TEAD1: variants seen among roughly 807,000 people sequenced by gnomAD.
The protein encoded by TEAD1 is TEA domain transcription factor 1.
Under a neutral mutation model 54.9 loss-of-function variants are expected in TEAD1, and 9 were observed. The observed-to-expected ratio is 0.16, with a 90% CI of 0.10 to 0.29. TEAD1 has a LOEUF of 0.29. Ranked by LOEUF, TEAD1 falls within the 10% of genes least tolerant of loss-of-function variation. TEAD1 has a pLI of 1.00. For missense variants in TEAD1, 387 were observed against 535.9 expected (o/e 0.72, Z 2.74); for synonymous variants, 200 against 187.8 (o/e 1.07, Z -0.53).
At chr11:12,691,604 C>T (rs1336148099) in intron 2 of TEAD1, among the ~76,000 whole-genome samples, 1 of 152,094 alleles carries the variant, frequency 6.6e-6, no homozygotes, top group Non-Finnish European at 1.5e-5. Context: ...TTGTCCTTTC[C>T]TCCCTTAAGA....
intron 2 of TEAD1, among the ~76,000 whole-genome samples, chr11:12,761,946 G>C (rs1486816949): frequency 2.7e-5 from 4 of 149,468 alleles, no homozygotes; most frequent in Admixed American, 2.0e-4. Flanking sequence ...AGCACTGAAT[G>C]GGGGTGGTTG....
Position 12,853,328 on chromosome 11 carries a change from G to C in TEAD1, c.203-8922G>C, listed in dbSNP as rs2134054332. Among the ~76,000 whole-genome samples, 2 of 152,216 alleles carry C rather than the reference G, an allele frequency of 1.3e-5. 1 individual carries two copies. The highest frequency in any genetic ancestry group is 4.2e-4 in the South Asian group (2 of 4,810). ...GTGGTGTGTCATGAAAAATAGTTAG[G>C]GGCCAGATGGTGGGGACAACACTGA... On this transcript the variant is annotated intron_variant, in intron 3 of 12. Coordinates refer to ENST00000527636, the MANE Select transcript of TEAD1 (RefSeq NM_021961.6).
intron 2 of TEAD1, among the ~76,000 whole-genome samples, chr11:12,676,279 G>C (rs1289616511): frequency 6.6e-6 from 1 of 152,234 alleles, no homozygotes; most frequent in Admixed American, 6.5e-5. Flanking sequence ...CAGGTGGTCT[G>C]ATGGCTTGGG....
chr11:12,839,970 T>G (rs12421067), intron 3 of TEAD1, among the ~76,000 whole-genome samples: 15,042 of 151,864 alleles, frequency 0.099, 974 homozygotes, highest in Non-Finnish European at 0.14. Flanking sequence ...GAAACGGGCC[T>G]GGCGCGGTGG....
At chr11:12,749,913 G>T (rs1465987792) in intron 2 of TEAD1, among the ~76,000 whole-genome samples, 1 of 152,196 alleles carries the variant, frequency 6.6e-6, no homozygotes, top group Non-Finnish European at 1.5e-5. Flanking sequence ...TTTACATTTT[G>T]AGGATTGGGA....
At chr11:12,863,315 T>C (rs1589936811) in intron 4 of TEAD1, among the ~76,000 whole-genome samples, 2 of 152,176 alleles carry the variant, frequency 1.3e-5, no homozygotes, top group African/African-American at 4.8e-5. Context: ...AGAGGTGGCC[T>C]CCTGCCAGCA....
At chr11:12,712,286 C>A (rs1420310110) in intron 2 of TEAD1, among the ~76,000 whole-genome samples, 4 of 152,150 alleles carry the variant, frequency 2.6e-5, no homozygotes, top group African/African-American at 4.8e-5. Context: ...TGCCAAGGGA[C>A]TCTCAGTTTT....
intron 2 of TEAD1, among the ~76,000 whole-genome samples, chr11:12,749,681 G>A (rs1181802294): frequency 6.6e-6 from 1 of 152,202 alleles, no homozygotes; most frequent in Non-Finnish European, 1.5e-5. Context: ...TCTTGGACTG[G>A]GCGTCTTGCC....
chr11:12,690,570 T>G (rs927831780), intron 2 of TEAD1, among the ~76,000 whole-genome samples: 1 of 152,246 alleles, frequency 6.6e-6, no homozygotes, highest in African/African-American at 2.4e-5. Flanking sequence ...AATTTAGATG[T>G]TGACATTTGA....
At chr11:12,856,069 G>A (rs76587596) in intron 3 of TEAD1, among the ~76,000 whole-genome samples, 2,964 of 151,674 alleles carry the variant, frequency 0.02, 102 homozygotes, top group African/African-American at 0.066. Context: ...TGCTGATGCC[G>A]GCATGGGGTC....
intron 3 of TEAD1, among the ~76,000 whole-genome samples, chr11:12,846,205 T>G (rs1947147983): frequency 6.6e-6 from 1 of 152,176 alleles, no homozygotes; most frequent in South Asian, 2.1e-4. Context: ...GAAGATTGTC[T>G]GAACAAAATG....
chr11:12,736,212 C>G (rs1944527549), intron 2 of TEAD1, among the ~76,000 whole-genome samples: 1 of 152,204 alleles, frequency 6.6e-6, no homozygotes, highest in Non-Finnish European at 1.5e-5. Context: ...CTCTTCCTCT[C>G]ATTTACTATT....
At chr11:12,843,471 T>C (rs1033231163) in intron 3 of TEAD1, among the ~76,000 whole-genome samples, 1 of 152,244 alleles carries the variant, frequency 6.6e-6, no homozygotes, top group Non-Finnish European at 1.5e-5. Context: ...AGTAAGTAAT[T>C]ACAATGCGGG....
At chr11:12,773,039 T>C (rs1190578804) in intron 3 of TEAD1, among the ~76,000 whole-genome samples, 2 of 152,204 alleles carry the variant, frequency 1.3e-5, no homozygotes, top group Non-Finnish European at 2.9e-5. Context: ...ACATGAACCT[T>C]TTGGGATTGG....
At chr11:12,747,879 T>C (rs1455017348) in intron 2 of TEAD1, among the ~76,000 whole-genome samples, 1 of 152,210 alleles carries the variant, frequency 6.6e-6, no homozygotes, top group African/African-American at 2.4e-5. Flanking sequence ...TTCAAACTCT[T>C]TGGGATTCTA....
chr11:12,722,479 G>A (rs1944227956), intron 2 of TEAD1, among the ~76,000 whole-genome samples: 1 of 152,146 alleles, frequency 6.6e-6, no homozygotes, highest in Non-Finnish European at 1.5e-5. Context: ...GGTGGGTAAT[G>A]CTGAGAGATA....
At chr11:12,845,257 G>A (rs1043336233) in intron 3 of TEAD1, among the ~76,000 whole-genome samples, 37 of 152,006 alleles carry the variant, frequency 2.4e-4, no homozygotes, top group African/African-American at 8.2e-4. Context: ...CCACTGTGCC[G>A]GGCCTAGAAT....
chr11:12,793,948 T>C (rs911742838), intron 3 of TEAD1, among the ~76,000 whole-genome samples: 2 of 152,134 alleles, frequency 1.3e-5, no homozygotes, highest in African/African-American at 4.8e-5. Context: ...CTTTGAAGAA[T>C]TGGTTTTGGA....
rs148525747 is a variant in TEAD1 at position 12,701,066 on chromosome 11, T to C, written c.-55+25505T>C. 6.0e-4 allele frequency among the ~76,000 whole-genome samples: 91 copies of C among 152,320 alleles called. 1 individual carries two copies. The highest frequency in any genetic ancestry group is 2.0e-3 in the African/African-American group (84 of 41,574). ...CCCTCTGGGACCCCTTTGAATTTTGTGTTTGATTCTTCATGTGTACAGTGT... is the reference window on the plus strand; with the variant it reads ...CCCTCTGGGACCCCTTTGAATTTTGCGTTTGATTCTTCATGTGTACAGTGT... On this transcript the variant is annotated intron_variant, in intron 2 of 12. Transcript: ENST00000527636.
Sources: gnomAD v4.1 joint callset for allele counts (sites outside exome capture counted in the v4.1 genomes callset) on GRCh38, gnomAD v4.1.1 for gene constraint, MANE v1.5 for transcripts, NCBI Gene and HGNC (gene_info 2026-07-23, HGNC 2026-07-21) for gene names.